The following PDE4B variants were observed in gnomAD, a reference collection of about 807,000 sequenced individuals.
PDE4B encodes the protein 3',5'-cyclic-AMP phosphodiesterase 4B.
Under a neutral mutation model 82.2 loss-of-function variants are expected in PDE4B, and 20 were observed. The ratio of observed to expected loss-of-function variants is 0.24; its 90% CI spans 0.17 to 0.35. PDE4B has a LOEUF of 0.35. Ranked by LOEUF, PDE4B falls within the 10% of genes least tolerant of loss-of-function variation. PDE4B has a pLI of 1.00. For synonymous variants in PDE4B, 320 were observed against 318.9 expected, an observed-to-expected ratio of 1.00 and a Z score of -0.04; for missense variants, 655 against 907.2, an observed-to-expected ratio of 0.72 and a Z score of 3.57.
intron 3 of PDE4B, among the ~76,000 whole-genome samples, chr1:66,102,535 C>A (rs1048966685): frequency 1.3e-5 from 2 of 152,042 alleles, no homozygotes; most frequent in Non-Finnish European, 2.9e-5. Flanking sequence ...TTTAATCTTA[C>A]ATTTTGGACT....
intron 1 of PDE4B, among the ~76,000 whole-genome samples, chr1:65,850,166 G>A (rs892510999): frequency 2.8e-5 from 4 of 145,162 alleles, no homozygotes; most frequent in Non-Finnish European, 4.5e-5. Flanking sequence ...CCAGGCTGGA[G>A]TGCAACTGCA....
At chr1:66,339,847 G>C (rs993360190) in intron 8 of PDE4B, among the ~76,000 whole-genome samples, 3 of 79,746 alleles carry the variant, frequency 3.8e-5, no homozygotes, top group African/African-American at 2.3e-4. Flanking sequence ...TGTTTTTTTT[G>C]TTGTTTTTTT....
At chr1:65,807,621 C>T (rs1020097658) in intron 1 of PDE4B, among the ~76,000 whole-genome samples, 2 of 152,246 alleles carry the variant, frequency 1.3e-5, no homozygotes, top group African/African-American at 4.8e-5. Context: ...TCCCTCTAAT[C>T]CCATTTCCTC....
intron 8 of PDE4B, among the ~76,000 whole-genome samples, chr1:66,345,230 C>G (rs1661306645): frequency 6.6e-6 from 1 of 152,114 alleles, no homozygotes; most frequent in South Asian, 2.1e-4. Context: ...CAAAGTTGTT[C>G]TCTTTGCTCA....
At chr1:65,893,414 A>G (rs1646873577) in intron 1 of PDE4B, among the ~76,000 whole-genome samples, 1 of 152,036 alleles carries the variant, frequency 6.6e-6, no homozygotes, top group African/African-American at 2.4e-5. Flanking sequence ...TGCAAATTAA[A>G]CCCACAATGA....
intron 3 of PDE4B, among the ~76,000 whole-genome samples, chr1:65,998,477 G>T (rs1363097158): frequency 6.6e-6 from 1 of 152,024 alleles, no homozygotes; most frequent in Non-Finnish European, 1.5e-5. Context: ...ATTTTGGAAA[G>T]GTACTTTGCA....
At chr1:65,917,596 T>C (rs1448675040) in intron 2 of PDE4B, among the ~76,000 whole-genome samples, 1 of 152,158 alleles carries the variant, frequency 6.6e-6, no homozygotes, top group African/African-American at 2.4e-5. Context: ...TCAGGACCCA[T>C]TGTCACCAAA....
At chr1:65,969,526 G>A (rs1650021459) in intron 3 of PDE4B, among the ~76,000 whole-genome samples, 3 of 152,060 alleles carry the variant, frequency 2.0e-5, no homozygotes, top group African/African-American at 7.2e-5. Context: ...ATTAACACTT[G>A]GTTAGCTTAG....
intron 3 of PDE4B, among the ~76,000 whole-genome samples, chr1:66,178,850 CTT>C (rs979142392): frequency 6.6e-6 from 1 of 151,486 alleles, no homozygotes; most frequent in South Asian, 2.1e-4. Flanking sequence ...TCTATCTTAA[CTT>C]TTTTTTTCTT....
intron 8 of PDE4B, among the ~76,000 whole-genome samples, chr1:66,338,497 G>A (rs1403918987): frequency 1.3e-5 from 2 of 152,206 alleles, no homozygotes; most frequent in Non-Finnish European, 2.9e-5. Flanking sequence ...TAAGGGGAAA[G>A]AGCAATCGCA....
chr1:66,093,224 A>G (rs1242207523), intron 3 of PDE4B, among the ~76,000 whole-genome samples: 2 of 152,084 alleles, frequency 1.3e-5, no homozygotes. Context: ...CCTAAGGCTC[A>G]GAGCAGGCAA....
At chr1:66,238,155 C>T (rs1276185328) in intron 3 of PDE4B, among the ~76,000 whole-genome samples, 1 of 152,170 alleles carries the variant, frequency 6.6e-6, no homozygotes, top group Admixed American at 6.6e-5. Context: ...CATTCATTCA[C>T]TCGACAAATA....
chr1:66,147,575 A>G (rs1414124760), intron 3 of PDE4B, among the ~76,000 whole-genome samples: 1 of 152,242 alleles, frequency 6.6e-6, no homozygotes, highest in East Asian at 1.9e-4. Context: ...TTCTGGTTCA[A>G]ATGCCTGGTG....
At chr1:66,089,646 C>T (rs1312035824) in intron 3 of PDE4B, among the ~76,000 whole-genome samples, 8 of 151,984 alleles carry the variant, frequency 5.3e-5, no homozygotes, top group African/African-American at 1.4e-4. Flanking sequence ...CACCTTGCTA[C>T]GACTGCATAA....
intron 3 of PDE4B, among the ~76,000 whole-genome samples, chr1:66,207,765 A>G (rs1649671623): frequency 6.6e-6 from 1 of 152,202 alleles, no homozygotes; most frequent in Non-Finnish European, 1.5e-5. Flanking sequence ...GCCTCACACA[A>G]TGAAGCCAGG....
At chr1:66,112,962 C>T (rs182310772) in intron 3 of PDE4B, among the ~76,000 whole-genome samples, 1 of 152,312 alleles carries the variant, frequency 6.6e-6, no homozygotes, top group African/African-American at 2.4e-5. Context: ...TTATATTGCA[C>T]TTTGTAGTGA....
chr1:66,295,570 A>G (rs559266044), intron 7 of PDE4B, among the ~76,000 whole-genome samples: 2 of 152,308 alleles, frequency 1.3e-5, no homozygotes, highest in South Asian at 4.1e-4. Flanking sequence ...CTACAACTAC[A>G]GGTGCATACC....
At chr1:65,854,159 C>G (rs1025536697) in intron 1 of PDE4B, among the ~76,000 whole-genome samples, 1 of 151,706 alleles carries the variant, frequency 6.6e-6, no homozygotes, top group Non-Finnish European at 1.5e-5. Flanking sequence ...CTGTCCTCTC[C>G]TCTCCTTTTA....
At chr1:65,851,544 A>G (rs1368284110) in intron 1 of PDE4B, among the ~76,000 whole-genome samples, 1 of 152,036 alleles carries the variant, frequency 6.6e-6, no homozygotes, top group African/African-American at 2.4e-5. Flanking sequence ...GTACACATAT[A>G]AATTGTTAAA....
Sources: allele counts gnomAD v4.1 joint callset (sites outside exome capture counted in the v4.1 genomes callset), GRCh38; gene constraint gnomAD v4.1.1; transcripts MANE v1.5; gene names NCBI Gene and HGNC (gene_info 2026-07-23, HGNC 2026-07-21).